The following GLG1 variants were observed in gnomAD, a reference collection of about 807,000 sequenced individuals.
GLG1 encodes the protein Golgi apparatus protein 1.
Under a neutral mutation model 160.5 loss-of-function variants are expected in GLG1, and 38 were observed. The ratio of observed to expected loss-of-function variants is 0.24; its 90% CI spans 0.18 to 0.31. The LOEUF (loss-of-function observed/expected upper bound fraction) is 0.31. Among genes scored for constraint, GLG1 ranks in the 10% least tolerant of loss-of-function variants. The pLI is 1.00. For missense variants in GLG1, 1,373 were observed against 1,505.2 expected, an observed-to-expected ratio of 0.91 and a Z score of 1.45; for synonymous variants, 644 against 543.4, an observed-to-expected ratio of 1.19 and a Z score of -2.57.
At chr16:74,597,208 G>A (rs1958326701) in intron 1 of GLG1, among the ~76,000 whole-genome samples, 2 of 151,758 alleles carry the variant, frequency 1.3e-5, no homozygotes, top group African/African-American at 4.8e-5. Flanking sequence ...CGAGGCGGGA[G>A]GATCACCAGG....
At chr16:74,599,792 AG>A (rs1958396049) in intron 1 of GLG1, among the ~76,000 whole-genome samples, 1 of 151,742 alleles carries the variant, frequency 6.6e-6, no homozygotes, top group Admixed American at 6.6e-5. Context: ...TGAACCCGGG[AG>A]GTAGAGCTTG....
chr16:74,453,116 C>T lies in GLG1; in HGVS notation c.*51G>A, dbSNP rs2014391192. 1 of 1,594,354 alleles carries T rather than the reference C, an allele frequency of 6.3e-7. No individual in the cohort carries two copies. The highest frequency in any genetic ancestry group is 1.3e-5 in the African/African-American group (1 of 74,586). On this transcript the variant is annotated 3_prime_UTR_variant, in exon 26 of 26. Transcript: ENST00000422840. ...TGAGTGGGGATGCTATACAAGAGGG[C>T]TGTACAAACTGGGCACTGGATAGGT...
chr16:74,588,917 C>G (rs1251203760), intron 1 of GLG1, among the ~76,000 whole-genome samples: 3 of 151,736 alleles, frequency 2.0e-5, no homozygotes, highest in African/African-American at 7.3e-5. Flanking sequence ...GGTTGTTAGA[C>G]CAATATCCTT....
At chr16:74,496,102 A>C (rs1316957472) in intron 5 of GLG1, among the ~76,000 whole-genome samples, 1 of 152,138 alleles carries the variant, frequency 6.6e-6, no homozygotes, top group Non-Finnish European at 1.5e-5. Context: ...CATCTCTACA[A>C]AAAATTTTTA....
chr16:74,547,831 C>G (rs1451920244), intron 1 of GLG1, among the ~76,000 whole-genome samples: 1 of 152,186 alleles, frequency 6.6e-6, no homozygotes, highest in African/African-American at 2.4e-5. Context: ...TCTCTGATAC[C>G]AAAAGCTGTA....
intron 22 of GLG1, among the ~76,000 whole-genome samples, chr16:74,460,514 G>A (rs1467135740): frequency 1.3e-5 from 2 of 152,306 alleles, no homozygotes; most frequent in South Asian, 4.1e-4. Flanking sequence ...TCTGGACACC[G>A]CAGGATCTGT....
intron 4 of GLG1, among the ~76,000 whole-genome samples, chr16:74,501,033 T>C (rs539420902): frequency 6.6e-6 from 1 of 152,324 alleles, no homozygotes; most frequent in Admixed American, 6.5e-5. Flanking sequence ...AAGCCAGTCA[T>C]AGAAGAGTTT....
intron 1 of GLG1, among the ~76,000 whole-genome samples, chr16:74,582,008 G>T (rs573215817): frequency 1.5e-4 from 23 of 152,080 alleles, no homozygotes; most frequent in Non-Finnish European, 3.2e-4. Context: ...CCTCTCTTGC[G>T]TAGCATTTTA....
chr16:74,450,003 C>A lies in GLG1; in HGVS notation c.*3164G>T, dbSNP rs1232751485. On this transcript the variant is annotated 3_prime_UTR_variant, in exon 26 of 26. Coordinates refer to ENST00000422840, the MANE Select transcript of GLG1 (RefSeq NM_001145667.2). Reference sequence around the variant, plus strand: ...TTGCCCAGACAGCTCACCTTCAGTACCCCAGAGCCTCCAGCCTGGCAGTCC... The same window carrying A: ...TTGCCCAGACAGCTCACCTTCAGTAACCCAGAGCCTCCAGCCTGGCAGTCC... 6.6e-6 allele frequency: 1 copy of A among 152,368 alleles called. No individual in the cohort carries two copies. Among genetic ancestry groups the A allele is most frequent in the African/African-American group, 2.4e-5 (1 of 41,454 alleles). The allele number at this position is 152,368 out of a possible 1,614,324, so 9.4% of individuals were successfully genotyped here. A position where few individuals can be genotyped will look rare whatever the true frequency, so the allele number is the denominator to read the frequency against.
intron 25 of GLG1, 45 bp downstream of exon 25, chr16:74,456,604 A>G (rs768522435): frequency 7.8e-6 from 9 of 1,156,344 alleles, no homozygotes; most frequent in Non-Finnish European, 1.2e-5. Flanking sequence ...GAAGTGTTCC[A>G]TATTTTTTTG....
At position 74,452,015 on chromosome 16, in the gene GLG1, A is replaced by C; in HGVS notation, c.*1152T>G. 7.2e-7 allele frequency: 1 copy of C among 1,398,012 alleles called. No homozygotes were observed. Among genetic ancestry groups the C allele is most frequent in the Non-Finnish European group, 1.0e-6 (1 of 982,580 alleles). The allele number at this position is 1,398,012 out of a possible 1,614,324, so 86.6% of individuals were successfully genotyped here. On this transcript the variant is annotated 3_prime_UTR_variant, in exon 26 of 26. Coordinates refer to ENST00000422840, the MANE Select transcript of GLG1 (RefSeq NM_001145667.2). ...ACACCCTCTCCACGTAGAGGCACAA[A>C]GGAGCTTGTCTGGGAAGTTTGTCTG...
intron 3 of GLG1, among the ~76,000 whole-genome samples, chr16:74,504,327 G>A (rs916624255): frequency 2.6e-5 from 4 of 151,990 alleles, no homozygotes; most frequent in African/African-American, 9.7e-5. Context: ...TTGCTCTGTC[G>A]CCCAGGCTGG....
intron 1 of GLG1, among the ~76,000 whole-genome samples, chr16:74,565,551 C>T (rs975416428): frequency 2.0e-5 from 3 of 152,162 alleles, no homozygotes; most frequent in African/African-American, 4.8e-5. Flanking sequence ...ACTCATAGAC[C>T]GCCAACTGCT....
At chr16:74,467,899 G>T in intron 17 of GLG1, 51 bp from the exon 18 acceptor site, 2 of 1,222,322 alleles carry the variant, frequency 1.6e-6, no homozygotes, top group Non-Finnish European at 2.4e-6. Context: ...GGCTGGAGAT[G>T]TCATATGTTC....
At chr16:74,506,501 G>A (rs1323522091) in intron 3 of GLG1, among the ~76,000 whole-genome samples, 21 of 150,016 alleles carry the variant, frequency 1.4e-4, no homozygotes, top group Non-Finnish European at 1.5e-5. Flanking sequence ...AGAATGGCAT[G>A]AACCTGGGAG....
chr16:74,475,643 A>G (rs934815661), intron 12 of GLG1, among the ~76,000 whole-genome samples: 14 of 152,206 alleles, frequency 9.2e-5, no homozygotes, highest in African/African-American at 2.7e-4. Context: ...TTCAAGTATA[A>G]TATCAGCTCA....
At chr16:74,519,116 A>C (rs1312336622) in intron 2 of GLG1, among the ~76,000 whole-genome samples, 2 of 152,230 alleles carry the variant, frequency 1.3e-5, no homozygotes, top group Non-Finnish European at 2.9e-5. Context: ...CTGGATTAAG[A>C]AAATGTGGCA....
chr16:74,526,705 C>A (rs532228505), intron 2 of GLG1, among the ~76,000 whole-genome samples: 200 of 152,316 alleles, frequency 1.3e-3, no homozygotes, highest in African/African-American at 4.6e-3. Flanking sequence ...GCCTGCGTGA[C>A]AGACCAAGAC....
At position 74,494,814 on chromosome 16, in the gene GLG1, G is replaced by T. The variant is rs755904908; in HGVS notation, c.996C>A (p.Gly332=). 3.4e-6 allele frequency: 5 copies of T among 1,488,284 alleles called. No homozygotes were observed. In the East Asian group the frequency reaches 6.8e-5, roughly 20 times the overall value. The allele number at this position is 1,488,284 out of a possible 1,614,324, so 92.2% of individuals were successfully genotyped here. ...GGTTAAAGAGGCACTTATACACTCTGCCCTCACCAGCTTGTGTCTATAAGA... is the reference window on the plus strand; with the variant it reads ...GGTTAAAGAGGCACTTATACACTCTTCCCTCACCAGCTTGTGTCTATAAGA... ...RFCENTQAGE[G]RVYKCLFNHK... is the part of the protein sequence containing the mutation. Residue 332 remains glycine (G), a synonymous_variant, in exon 6 of 26, where the codon GGC becomes GGA. Transcript: ENST00000422840.
Sources: allele counts gnomAD v4.1 joint callset (sites outside exome capture counted in the v4.1 genomes callset), GRCh38; gene constraint gnomAD v4.1.1; transcripts MANE v1.5; gene names NCBI Gene and HGNC (gene_info 2026-07-23, HGNC 2026-07-21).